The following FHIT variants were observed in gnomAD, a reference collection of about 807,000 sequenced individuals.
FHIT encodes the protein fragile histidine triad diadenosine triphosphatase.
In FHIT, 19 loss-of-function variants were observed where a neutral mutation model predicts 17.9. That is an observed-to-expected ratio of 1.06 (90% CI 0.74 to 1.56). The LOEUF (loss-of-function observed/expected upper bound fraction) is 1.56, where lower values mean the gene tolerates loss of function less well. FHIT is among the 40% of genes most tolerant of loss of function. FHIT has a pLI of 0.00. For missense variants in FHIT, 248 were observed against 189.2 expected (o/e 1.31, Z -1.82); for synonymous variants, 81 against 69.7 (o/e 1.16, Z -0.81).
chr3:60,552,737 A>G (rs969280251), intron 4 of FHIT, among the ~76,000 whole-genome samples: 2 of 152,202 alleles, frequency 1.3e-5, no homozygotes, highest in African/African-American at 4.8e-5. Context: ...TGGTGCCCCC[A>G]GCACTCTCAA....
intron 1 of FHIT, among the ~76,000 whole-genome samples, chr3:61,218,245 G>A (rs1007767146): frequency 5.3e-5 from 8 of 152,224 alleles, no homozygotes; most frequent in Admixed American, 3.3e-4. Flanking sequence ...TGTTGAGGAG[G>A]ATGAATCCTA....
chr3:60,138,285 G>C (rs1437193957), intron 5 of FHIT, among the ~76,000 whole-genome samples: 1 of 152,156 alleles, frequency 6.6e-6, no homozygotes, highest in Non-Finnish European at 1.5e-5. Flanking sequence ...TGAACCAAGG[G>C]AATGAGTGAC....
chr3:60,744,388 G>A (rs1177270710), intron 4 of FHIT, among the ~76,000 whole-genome samples: 1 of 151,916 alleles, frequency 6.6e-6, no homozygotes, highest in Non-Finnish European at 1.5e-5. Flanking sequence ...CAGACAAGTA[G>A]GGGAACTAAT....
chr3:60,796,934 T>C (rs1701001325), intron 4 of FHIT, among the ~76,000 whole-genome samples: 1 of 152,214 alleles, frequency 6.6e-6, no homozygotes, highest in Admixed American at 6.5e-5. Context: ...ATGGGGACTT[T>C]ATTTGTACTT....
intron 4 of FHIT, among the ~76,000 whole-genome samples, chr3:60,556,688 G>A (rs1307843247): frequency 1.3e-5 from 2 of 152,314 alleles, no homozygotes; most frequent in East Asian, 1.9e-4. Flanking sequence ...GCAAAATGAG[G>A]GCCTGGGGTG....
chr3:60,063,224 T>G (rs1437466518), intron 5 of FHIT, among the ~76,000 whole-genome samples: 1 of 152,160 alleles, frequency 6.6e-6, no homozygotes, highest in East Asian at 1.9e-4. Flanking sequence ...AGATCTCCAT[T>G]GAGCAACAAG....
chr3:59,854,377 A>G (rs529170886), intron 8 of FHIT, among the ~76,000 whole-genome samples: 1 of 152,290 alleles, frequency 6.6e-6, no homozygotes, highest in South Asian at 2.1e-4. Context: ...CTTACGTCGC[A>G]TGTGCAAAAA....
At chr3:60,388,523 C>G (rs538338053) in intron 5 of FHIT, among the ~76,000 whole-genome samples, 2 of 152,204 alleles carry the variant, frequency 1.3e-5, no homozygotes, top group South Asian at 4.1e-4. Context: ...GGATCATAAG[C>G]CCAGGAGGTG....
At position 59,752,282 on chromosome 3, in the gene FHIT, T is replaced by G; in HGVS notation, c.388A>C (p.Arg130=). The part of the protein sequence containing the change: ...HDKEDFPASW[R]SEEEMAAEAA... ...TCTGCTGCCATTTCCTCCTCTGATC[T>G]CCAAGAGGCAGGAAAGTCCTCCTTG... is the stretch of plus-strand genomic sequence containing the variant. Residue 130 remains arginine, a synonymous_variant, in exon 9 of 10, where the codon AGA becomes CGA. Transcript: ENST00000492590. 1.2e-6 allele frequency: 2 copies of G among 1,612,888 alleles called. No homozygotes were observed. Among genetic ancestry groups the G allele is most frequent in the Non-Finnish European group, 1.7e-6 (2 of 1,179,494 alleles).
intron 5 of FHIT, among the ~76,000 whole-genome samples, chr3:60,017,903 C>T (rs908605272): frequency 6.6e-6 from 1 of 152,204 alleles, no homozygotes; most frequent in African/African-American, 2.4e-5. Flanking sequence ...CCCTCCCATC[C>T]TACACATGCT....
rs1700717432 is a variant in FHIT, at chr3:59,748,518, G to GGCAGGGTT, written c.*1059_*1066dup. On this transcript the variant is annotated 3_prime_UTR_variant, in exon 10 of 10. Coordinates refer to ENST00000492590, the MANE Select transcript of FHIT (RefSeq NM_002012.4). ...AGTGTGACCAGGGAGGCAGGTGCTG[G>GGCAGGGTT]GCAGGGTTGTATTAACAAGGCAGGT... Among the ~76,000 whole-genome samples the GGCAGGGTT allele has an allele frequency of 6.6e-6, 1 of 152,022 alleles. No individual in the cohort carries two copies. The highest frequency in any genetic ancestry group is 1.5e-5 in the Non-Finnish European group (1 of 67,990).
At chr3:59,927,164 T>C (rs964199757) in intron 7 of FHIT, among the ~76,000 whole-genome samples, 2 of 152,068 alleles carry the variant, frequency 1.3e-5, no homozygotes, top group Admixed American at 6.6e-5. Context: ...GTGCGCTGAG[T>C]GAAAGCATCA....
intron 4 of FHIT, among the ~76,000 whole-genome samples, chr3:60,801,782 C>G (rs913687987): frequency 2.6e-5 from 4 of 152,122 alleles, no homozygotes; most frequent in Non-Finnish European, 5.9e-5. Flanking sequence ...CCAGTGTTGT[C>G]TCTCATGAAA....
At chr3:59,802,950 G>A (rs779490643) in intron 8 of FHIT, among the ~76,000 whole-genome samples, 3 of 152,068 alleles carry the variant, frequency 2.0e-5, no homozygotes, top group African/African-American at 4.8e-5. Context: ...GTAGTGATAC[G>A]GGTATACATC....
chr3:61,012,925 G>A (rs184834956), intron 3 of FHIT, among the ~76,000 whole-genome samples: 7 of 151,884 alleles, frequency 4.6e-5, no homozygotes, highest in African/African-American at 1.7e-4. Flanking sequence ...ATGACTTATA[G>A]AGAAAGGAAT....
intron 4 of FHIT, among the ~76,000 whole-genome samples, chr3:60,600,477 A>G (rs2107712213): frequency 6.6e-6 from 1 of 152,340 alleles, no homozygotes; most frequent in East Asian, 1.9e-4. Context: ...TAAGAAAATG[A>G]TAAGGATTTT....
In FHIT at chr3:60,818,982, T is replaced by C. The variant is rs186292161; in HGVS notation, c.-18+2937A>G. On this transcript the variant is annotated intron_variant, in intron 4 of 9. Coordinates refer to ENST00000492590, the MANE Select transcript of FHIT (RefSeq NM_002012.4). Reference sequence around the variant, plus strand: ...AGCTCCCCTCCAGAATCTGTCTGCTTATTTTTATTCTCTAATGCTTCCAGG... The same window carrying C: ...AGCTCCCCTCCAGAATCTGTCTGCTCATTTTTATTCTCTAATGCTTCCAGG... 2.0e-5 allele frequency among the ~76,000 whole-genome samples: 3 copies of C among 152,026 alleles called. No individual in the cohort carries two copies. The East Asian group carries it at 5.8e-4, about 29-fold the overall frequency.
At chr3:60,863,307 G>T (rs782517555) in intron 3 of FHIT, among the ~76,000 whole-genome samples, 1 of 152,140 alleles carries the variant, frequency 6.6e-6, no homozygotes, top group South Asian at 2.1e-4. Flanking sequence ...TTGGAAGTTG[G>T]TTTTTCTGCA....
At chr3:60,025,641 C>A (rs1330581950) in intron 5 of FHIT, among the ~76,000 whole-genome samples, 1 of 151,228 alleles carries the variant, frequency 6.6e-6, no homozygotes, top group African/African-American at 2.4e-5. Flanking sequence ...CCAACAAAGG[C>A]AGCTGGACAC....
Sources: gnomAD v4.1 joint callset for allele counts (sites outside exome capture counted in the v4.1 genomes callset) on GRCh38, gnomAD v4.1.1 for gene constraint, MANE v1.5 for transcripts, NCBI Gene and HGNC (gene_info 2026-07-23, HGNC 2026-07-21) for gene names.